Variants in CMTM3 observed in about 807,000 individuals in gnomAD.
CMTM3 encodes the protein CKLF-like MARVEL transmembrane domain-containing protein 3.
In CMTM3, 7 loss-of-function variants were observed where a neutral mutation model predicts 18.2. The observed-to-expected ratio is 0.38, with a 90% confidence interval of 0.22 to 0.72. The LOEUF (loss-of-function observed/expected upper bound fraction) is 0.72, where lower values mean the gene tolerates loss of function less well. Ranked by LOEUF, CMTM3 falls within the 30% of genes least tolerant of loss-of-function variation. CMTM3 has a pLI of 0.46. For synonymous variants in CMTM3, 109 were observed against 111.2 expected (o/e 0.98, Z 0.12); for missense variants, 227 against 249.2 (o/e 0.91, Z 0.60).
intron 1 of CMTM3, among the ~76,000 whole-genome samples, chr16:66,606,550 A>G (rs1050365417): frequency 1.3e-5 from 2 of 152,154 alleles, no homozygotes; most frequent in Admixed American, 1.3e-4. Context: ...AAGCAGCCAC[A>G]GTGCTTCCTG....
At chr16:66,604,608 C>G (rs947362589), upstream of CMTM3, 1 of 379,330 alleles carries the variant, frequency 2.6e-6, no homozygotes, top group Admixed American at 4.8e-5. Flanking sequence ...GGCCCAGCAT[C>G]CCCCGCAGCC....
In CMTM3 at chr16:66,612,449, G is replaced by A. The variant is rs887678332; in HGVS notation, c.521-160G>A. Reference sequence around the variant, plus strand: ...GCCTGTGGAGGGCCTCAGGCCCGCGGCCTGCCCTGATGCCAGCGATCACTG... The same window carrying A: ...GCCTGTGGAGGGCCTCAGGCCCGCGACCTGCCCTGATGCCAGCGATCACTG... On this transcript the variant is annotated intron_variant, in intron 4 of 4. Coordinates refer to ENST00000567572, the MANE Select transcript of CMTM3 (RefSeq NM_181553.4). The surrounding 1 kb of genome is among the most constrained non-coding windows in gnomAD (Gnocchi z 6.0). 6.6e-6 allele frequency among the ~76,000 whole-genome samples: 1 copy of A among 152,006 alleles called. No homozygotes were observed. Among genetic ancestry groups the A allele is most frequent in the Non-Finnish European group, 1.5e-5 (1 of 67,990 alleles).
chr16:66,605,240 T>C lies in CMTM3; in HGVS notation c.147+288T>C. 3.5e-6 allele frequency: 1 copy of C among 286,184 alleles called. No individual in the cohort carries two copies. The allele number at this position is 286,184 out of a possible 1,614,324, so 17.7% of individuals were successfully genotyped here. The stretch of plus-strand genomic sequence containing the variant: ...GGGCCCGGGGATGTGGGTCCTGCTG[T>C]GTGAGCCAGGCGCCCCCGCCCTCTC... On this transcript the variant is annotated intron_variant, in intron 1 of 4. Transcript: ENST00000567572. This position sits in a 1 kb window ranked among gnomAD's most constrained non-coding sequence, Gnocchi z 4.6.
chr16:66,609,341 G>T lies in CMTM3; in HGVS notation c.304-94G>T. On this transcript the variant is annotated intron_variant, in intron 2 of 4. Transcript: ENST00000567572. The surrounding 1 kb of genome is among the most constrained non-coding windows in gnomAD (Gnocchi z 4.4). ...TGGGATAGGAGCCCTCAGGTGCTAG[G>T]CCTGGGGCTGGGAACACGACCAGGC... The T allele has an allele frequency of 2.8e-6, 3 of 1,084,580 alleles. No homozygotes were observed. The highest frequency in any genetic ancestry group is 2.7e-6 in the Non-Finnish European group (2 of 736,252). The allele number at this position is 1,084,580 out of a possible 1,614,324, so 67.2% of individuals were successfully genotyped here. A position where few individuals can be genotyped will look rare whatever the true frequency, so the allele number is the denominator to read the frequency against.
chr16:66,613,883 T>C lies in CMTM3; in HGVS notation c.*1246T>C, dbSNP rs2015476374. On this transcript the variant is annotated 3_prime_UTR_variant, in exon 5 of 5. Coordinates refer to ENST00000567572, the MANE Select transcript of CMTM3 (RefSeq NM_181553.4). Reference sequence around the variant, plus strand: ...AGCAAAAATACACGTGAAATCTGACTACCATTTAATCCTTTATTTCCCTAA... The same window carrying C: ...AGCAAAAATACACGTGAAATCTGACCACCATTTAATCCTTTATTTCCCTAA... 6.7e-6 allele frequency: 1 copy of C among 149,980 alleles called. No homozygotes were observed. The highest frequency in any genetic ancestry group is 2.4e-5 in the African/African-American group (1 of 40,878). 9.3% of individuals were successfully genotyped at this position (149,980 alleles called of 1,614,324 possible).
chr16:66,606,241 G>A (rs1437560669), intron 1 of CMTM3, among the ~76,000 whole-genome samples: 1 of 152,154 alleles, frequency 6.6e-6, no homozygotes, highest in Non-Finnish European at 1.5e-5. Context: ...TGCAGAGGCT[G>A]AGATGGACAG....
intron 1 of CMTM3, among the ~76,000 whole-genome samples, chr16:66,606,798 G>A (rs1321984740): frequency 6.6e-6 from 1 of 152,178 alleles, no homozygotes; most frequent in Non-Finnish European, 1.5e-5. Flanking sequence ...TTCGAGACCA[G>A]CCTGGCCAGC....
Position 66,609,031 on chromosome 16 carries a change from A to G in CMTM3, c.304-404A>G, listed in dbSNP as rs2015267258. 6.6e-6 allele frequency among the ~76,000 whole-genome samples: 1 copy of G among 152,240 alleles called. No homozygotes were observed. Among genetic ancestry groups the G allele is most frequent in the Admixed American group, 6.5e-5 (1 of 15,282 alleles). ...GTCCCCATCTTAGGGACGGATAAGCAGAAACTGTGGTCCATGAATGGATCG... is the reference window on the plus strand; with the variant it reads ...GTCCCCATCTTAGGGACGGATAAGCGGAAACTGTGGTCCATGAATGGATCG... On this transcript the variant is annotated intron_variant, in intron 2 of 4. Transcript: ENST00000567572. The surrounding 1 kb of genome is among the most constrained non-coding windows in gnomAD (Gnocchi z 4.4).
rs1390222290 is a variant in CMTM3, at chr16:66,608,791, G to T, written c.303+327G>T. ...ACAGGAATTCAAGCCATTTCCACGT[G>T]GGCAGGACAGGTTAACTGAGGACTT... On this transcript the variant is annotated intron_variant, in intron 2 of 4. Coordinates refer to ENST00000567572, the MANE Select transcript of CMTM3 (RefSeq NM_181553.4). This position sits in a 1 kb window ranked among gnomAD's most constrained non-coding sequence, Gnocchi z 5.1. Among the ~76,000 whole-genome samples, 2 of 152,206 alleles carry T rather than the reference G, an allele frequency of 1.3e-5. No homozygotes were observed. The highest frequency in any genetic ancestry group is 2.9e-5 in the Non-Finnish European group (2 of 68,040).
chr16:66,609,596 CCTGG>C lies in CMTM3; in HGVS notation c.399+67_399+70del. On this transcript the variant is annotated intron_variant, in intron 3 of 4. Coordinates refer to ENST00000567572, the MANE Select transcript of CMTM3 (RefSeq NM_181553.4). The surrounding 1 kb of genome is among the most constrained non-coding windows in gnomAD (Gnocchi z 4.4). ...CTCTAGCCCCTCATTTAGGGTGGGA[CCTGG>C]GGCAGAGCCTTTCCCTGCTGGGGCC... 1 of 1,526,818 alleles carries C rather than the reference CCTGG, an allele frequency of 6.5e-7. No individual in the cohort carries two copies. Among genetic ancestry groups the C allele is most frequent in the South Asian group, 1.2e-5 (1 of 83,872 alleles). The allele number at this position is 1,526,818 out of a possible 1,614,324, so 94.6% of individuals were successfully genotyped here. A position where few individuals can be genotyped will look rare whatever the true frequency, so the allele number is the denominator to read the frequency against.
chr16:66,606,732 C>T (rs1437936417), intron 1 of CMTM3, among the ~76,000 whole-genome samples: 2 of 152,192 alleles, frequency 1.3e-5, no homozygotes, highest in Non-Finnish European at 2.9e-5. Context: ...GTGGCTCATG[C>T]CTGTAATCCC....
chr16:66,610,166 A>C lies in CMTM3; in HGVS notation c.520+163A>C. 1.2e-6 allele frequency: 1 copy of C among 867,914 alleles called. No individual in the cohort carries two copies. Among genetic ancestry groups the C allele is most frequent in the Non-Finnish European group, 1.8e-6 (1 of 568,712 alleles). 53.8% of individuals were successfully genotyped at this position (867,914 alleles called of 1,614,324 possible). On this transcript the variant is annotated intron_variant, in intron 4 of 4. Coordinates refer to ENST00000567572, the MANE Select transcript of CMTM3 (RefSeq NM_181553.4). The surrounding 1 kb of genome is among the most constrained non-coding windows in gnomAD (Gnocchi z 4.6). ...ACCTACCCTCATGCAGCACTGATCC[A>C]AAGCCAGTCCCATTCGCCTCGTGCA...
chr16:66,606,680 A>G (rs143611536), intron 1 of CMTM3, among the ~76,000 whole-genome samples: 48 of 152,258 alleles, frequency 3.2e-4, no homozygotes, highest in African/African-American at 1.1e-3. Context: ...CCCAACACCC[A>G]CAGGGCCAAG....
In CMTM3 at chr16:66,605,178, C is replaced by A; in HGVS notation, c.147+226C>A. On this transcript the variant is annotated intron_variant, in intron 1 of 4. Coordinates refer to ENST00000567572, the MANE Select transcript of CMTM3 (RefSeq NM_181553.4). This position sits in a 1 kb window ranked among gnomAD's most constrained non-coding sequence, Gnocchi z 4.6. ...GCCCAGGCCATCCGCGGCGCTGTCC[C>A]CGCGAGTCCAGAGCTGGGGGCCGTG... is the stretch of plus-strand genomic sequence containing the variant. The A allele has an allele frequency of 2.4e-6, 1 of 422,334 alleles. No individual in the cohort carries two copies. Among genetic ancestry groups the A allele is most frequent in the Non-Finnish European group, 4.2e-6 (1 of 239,112 alleles). The allele number at this position is 422,334 out of a possible 1,614,324, so 26.2% of individuals were successfully genotyped here. A position where few individuals can be genotyped will look rare whatever the true frequency, so the allele number is the denominator to read the frequency against.
rs530837986 is a variant in CMTM3 at position 66,609,567 on chromosome 16, G to T, written c.399+37G>T. 1.3e-6 allele frequency: 2 copies of T among 1,547,976 alleles called. No homozygotes were observed. The highest frequency in any genetic ancestry group is 8.8e-7 in the Non-Finnish European group (1 of 1,140,650). On this transcript the variant is annotated intron_variant, in intron 3 of 4. Coordinates refer to ENST00000567572, the MANE Select transcript of CMTM3 (RefSeq NM_181553.4). The surrounding 1 kb of genome is among the most constrained non-coding windows in gnomAD (Gnocchi z 4.4). ...CCCCACCCCTCTGGAAACTGCAGATGCCCCTCTAGCCCCTCATTTAGGGTG... is the reference window on the plus strand; with the variant it reads ...CCCCACCCCTCTGGAAACTGCAGATTCCCCTCTAGCCCCTCATTTAGGGTG...
At position 66,612,549 on chromosome 16, in the gene CMTM3, C is replaced by A. The variant is rs377148414; in HGVS notation, c.521-60C>A. The A allele has an allele frequency of 6.3e-7, 1 of 1,577,432 alleles. No individual in the cohort carries two copies. ...AACCCAGCTGTGCTTCCCCAGAGAC[C>A]GTTCCCAGGCACCGCTGCCCTGAGC... On this transcript the variant is annotated intron_variant, in intron 4 of 4. Coordinates refer to ENST00000567572, the MANE Select transcript of CMTM3 (RefSeq NM_181553.4). The surrounding 1 kb of genome is among the most constrained non-coding windows in gnomAD (Gnocchi z 6.0).
chr16:66,604,940 G>T lies in CMTM3; in HGVS notation c.135G>T (p.Leu45=). Residue 45 remains leucine (L), a synonymous_variant, in exon 1 of 5, where the codon CTG becomes CTT. Transcript: ENST00000567572. ...TCTGCTCTCTCAAAGGCCGCCTCCT[G>T]CTGGCCGAGTCGGTGAGTGCGGCGG... is the stretch of plus-strand genomic sequence containing the variant. ...AFLCSLKGRL[L]LAESGLSFIT... The T allele has an allele frequency of 6.7e-7, 1 of 1,503,248 alleles. No homozygotes were observed. The highest frequency in any genetic ancestry group is 8.8e-7 in the Non-Finnish European group (1 of 1,136,532). 93.1% of individuals were successfully genotyped at this position (1,503,248 alleles called of 1,614,324 possible).
rs1354564275 is a variant in CMTM3, at chr16:66,613,072, G to A, written c.*435G>A. ...GGGCTGCCCCGCCAGGCCCCGGTGG[G>A]TTTGTCTGCACTTGGTGCTCCTGCC... On this transcript the variant is annotated 3_prime_UTR_variant, in exon 5 of 5. Coordinates refer to ENST00000567572, the MANE Select transcript of CMTM3 (RefSeq NM_181553.4). The A allele has an allele frequency of 1.1e-5, 8 of 703,018 alleles. No individual in the cohort carries two copies. In the South Asian group the frequency reaches 1.2e-4, roughly 10 times the overall value. The allele number at this position is 703,018 out of a possible 1,614,324, so 43.5% of individuals were successfully genotyped here. A position where few individuals can be genotyped will look rare whatever the true frequency, so the allele number is the denominator to read the frequency against.
Position 66,610,272 on chromosome 16 carries a change from A to AC in CMTM3, c.520+275dup, listed in dbSNP as rs1462932572. ...CCAGGCCGGCAAGTCTCCCTGGACG[A>AC]CCCCCCTGGGCAGCCAGTCACTCTC... On this transcript the variant is annotated intron_variant, in intron 4 of 4. Coordinates refer to ENST00000567572, the MANE Select transcript of CMTM3 (RefSeq NM_181553.4). The surrounding 1 kb of genome is among the most constrained non-coding windows in gnomAD (Gnocchi z 4.6). 1.3e-5 allele frequency among the ~76,000 whole-genome samples: 2 copies of AC among 149,854 alleles called. No homozygotes were observed. The highest frequency in any genetic ancestry group is 2.0e-4 in the East Asian group (1 of 5,048).
Sources: allele counts gnomAD v4.1 joint callset (sites outside exome capture counted in the v4.1 genomes callset), GRCh38; gene constraint gnomAD v4.1.1; non-coding constraint Gnocchi (gnomAD v3.1); transcripts MANE v1.5; gene names NCBI Gene and HGNC (gene_info 2026-07-23, HGNC 2026-07-21).